ENTREP2: variants seen among roughly 807,000 people sequenced by gnomAD.
ENTREP2 encodes the protein protein ENTREP2.
chr15:29,314,051 T>A, the ENTREP2 span, among the ~76,000 whole-genome samples: 1 of 152,180 alleles, frequency 6.6e-6, no homozygotes, highest in Non-Finnish European at 1.5e-5. Context: ...AGCCTAAAGA[T>A]GTGGCTAAAT....
chr15:29,658,521 A>T, the ENTREP2 span, among the ~76,000 whole-genome samples: 1 of 152,184 alleles, frequency 6.6e-6, no homozygotes, highest in African/African-American at 2.4e-5. Flanking sequence ...ATCATCGTGT[A>T]TCTTGATTGT....
the ENTREP2 span, among the ~76,000 whole-genome samples, chr15:29,279,144 TGA>T: frequency 2.0e-5 from 3 of 152,328 alleles, no homozygotes; most frequent in South Asian, 6.2e-4. Context: ...AGTCTGAGGT[TGA>T]GTCTTTTGAA....
the ENTREP2 span, among the ~76,000 whole-genome samples, chr15:29,220,156 C>T: frequency 6.6e-6 from 1 of 152,280 alleles, no homozygotes; most frequent in African/African-American, 2.4e-5. Flanking sequence ...AGGCTGTGGG[C>T]TGGGGAGACC....
the ENTREP2 span, among the ~76,000 whole-genome samples, chr15:29,443,822 G>A: frequency 6.6e-6 from 1 of 151,968 alleles, no homozygotes; most frequent in South Asian, 2.1e-4. Context: ...TAAAAAGAAG[G>A]GGCCGGGCGC....
At chr15:29,641,696 GT>G in the ENTREP2 span, among the ~76,000 whole-genome samples, 9 of 151,940 alleles carry the variant, frequency 5.9e-5, no homozygotes, top group Non-Finnish European at 8.8e-5. Context: ...GCCGGGCATG[GT>G]GGTGCGCACC....
the ENTREP2 span, among the ~76,000 whole-genome samples, chr15:29,383,595 A>G: frequency 6.6e-6 from 1 of 152,186 alleles, no homozygotes; most frequent in African/African-American, 2.4e-5. Flanking sequence ...CTGAGACTCC[A>G]AAAGCACTGG....
At chr15:29,600,902 C>CCTTTTTTTTTTTTTTTTTTTTTT in the ENTREP2 span, among the ~76,000 whole-genome samples, 8 of 123,620 alleles carry the variant, frequency 6.5e-5, no homozygotes, top group African/African-American at 2.2e-4. Flanking sequence ...ATTTTTCTTT[C>CCTTTTTTTTTTTTTTTTTTTTTT]TTTTTTTTTT....
the ENTREP2 span, among the ~76,000 whole-genome samples, chr15:29,656,546 A>G: frequency 6.6e-6 from 1 of 152,208 alleles, no homozygotes; most frequent in South Asian, 2.1e-4. Flanking sequence ...TTAAAGTAGA[A>G]GAATTCTGAT....
chr15:29,565,776 A>G, the ENTREP2 span, among the ~76,000 whole-genome samples: 1 of 152,256 alleles, frequency 6.6e-6, no homozygotes, highest in East Asian at 1.9e-4. Flanking sequence ...ATCCTGGCTA[A>G]CACGGGGAAA....
the ENTREP2 span, among the ~76,000 whole-genome samples, chr15:29,423,205 AATACACATTTAACATCTTGT>A: frequency 6.6e-6 from 1 of 152,304 alleles, no homozygotes; most frequent in South Asian, 2.1e-4. Context: ...TTTAACTCAG[AATACACATTTAACATCTTGT>A]ATACACAGTT....
the ENTREP2 span, among the ~76,000 whole-genome samples, chr15:29,291,725 C>T: frequency 1.3e-5 from 2 of 152,074 alleles, no homozygotes; most frequent in Non-Finnish European, 2.9e-5. Flanking sequence ...TTCTTTTATT[C>T]TTTTATTGTC....
chr15:29,569,952 C>T, the ENTREP2 span: 1 of 152,026 alleles, frequency 6.6e-6, no homozygotes, highest in Non-Finnish European at 1.5e-5. Flanking sequence ...TCCCCGAAGC[C>T]AAGTCAGCGA....
At chr15:29,167,378 A>G in the ENTREP2 span, among the ~76,000 whole-genome samples, 1 of 152,236 alleles carries the variant, frequency 6.6e-6, no homozygotes, top group Non-Finnish European at 1.5e-5. Context: ...TAGAGTAAAC[A>G]GACAATCCAC....
the ENTREP2 span, chr15:29,123,632 C>T: frequency 1.9e-6 from 3 of 1,549,928 alleles, no homozygotes; most frequent in Admixed American, 5.9e-5. Flanking sequence ...CGACAGGCAG[C>T]CGTGGCAGAG....
chr15:29,478,013 ATATATATTTT>A, the ENTREP2 span, among the ~76,000 whole-genome samples: 851 of 65,430 alleles, frequency 0.013, 10 homozygotes, highest in African/African-American at 0.068. Flanking sequence ...ATATATATAT[ATATATATTTT>A]TTTTTTTTTT....
the ENTREP2 span, among the ~76,000 whole-genome samples, chr15:29,275,002 T>C: frequency 6.6e-6 from 1 of 152,240 alleles, no homozygotes; most frequent in Non-Finnish European, 1.5e-5. Context: ...GAGTAATGTT[T>C]CTTTCCTCTT....
At chr15:29,227,492 A>T in the ENTREP2 span, among the ~76,000 whole-genome samples, 3 of 152,104 alleles carry the variant, frequency 2.0e-5, no homozygotes, top group Admixed American at 2.0e-4. Flanking sequence ...TGTCACCCTC[A>T]CACCTACACC....
At chr15:29,196,415 G>A in the ENTREP2 span, 39 of 1,549,142 alleles carry the variant, frequency 2.5e-5, no homozygotes, top group Non-Finnish European at 3.1e-5. Context: ...CACAAGCAGC[G>A]CCCAGCGGGG....
chr15:29,207,231 G>A, the ENTREP2 span, among the ~76,000 whole-genome samples: 19 of 152,226 alleles, frequency 1.2e-4, no homozygotes, highest in East Asian at 3.5e-3. Flanking sequence ...CTACACACTA[G>A]GCGTGGAAGC....
Sources: gnomAD v4.1 joint callset for allele counts (sites outside exome capture counted in the v4.1 genomes callset) on GRCh38, gnomAD v4.1.1 for gene constraint, MANE v1.5 for transcripts, NCBI Gene and HGNC (gene_info 2026-07-23, HGNC 2026-07-21) for gene names.